FAM83B: variants seen among roughly 807,000 people sequenced by gnomAD.
FAM83B encodes the protein scaffolding CK1 anchoring protein B, also known as protein FAM83B.
FAM83B carries 26 observed loss-of-function variants against 38.8 expected under a neutral mutation model. That is an observed-to-expected ratio of 0.67 (90% CI 0.49 to 0.93). The LOEUF is 0.93. Among genes scored for constraint, FAM83B ranks in the 40% least tolerant of loss-of-function variants. The pLI is 0.00. For synonymous variants in FAM83B, 419 were observed against 423.1 expected, an observed-to-expected ratio of 0.99 and a Z score of 0.12; for missense variants, 1,237 against 1,197.3, an observed-to-expected ratio of 1.03 and a Z score of -0.49.
At chr6:54,880,328 A>G (rs1430416876) in intron 2 of FAM83B, among the ~76,000 whole-genome samples, 1 of 152,218 alleles carries the variant, frequency 6.6e-6, no homozygotes, top group Non-Finnish European at 1.5e-5. Flanking sequence ...AGGATTATAG[A>G]GACAATTATT....
intron 4 of FAM83B, among the ~76,000 whole-genome samples, chr6:54,932,311 C>G (rs935087255): frequency 1.3e-5 from 2 of 152,116 alleles, no homozygotes; most frequent in African/African-American, 4.8e-5. Context: ...CATGCATGGC[C>G]TTACATAAAA....
At chr6:54,869,596 C>T (rs1057453495) in intron 1 of FAM83B, among the ~76,000 whole-genome samples, 2 of 152,078 alleles carry the variant, frequency 1.3e-5, no homozygotes, top group Non-Finnish European at 2.9e-5. Context: ...CTTCTTGCCA[C>T]CTGATCAGAT....
At chr6:54,906,939 G>T in intron 2 of FAM83B, among the ~76,000 whole-genome samples, 1 of 151,942 alleles carries the variant, frequency 6.6e-6, no homozygotes, top group Admixed American at 6.6e-5. Flanking sequence ...GAACCCTTTT[G>T]GTTAGACATT....
intron 2 of FAM83B, among the ~76,000 whole-genome samples, chr6:54,916,782 G>A (rs1257835189): frequency 2.6e-5 from 4 of 152,132 alleles, no homozygotes; most frequent in Non-Finnish European, 5.9e-5. Context: ...GGCAGTATTT[G>A]TCTCTTTGAC....
rs753733022 is a variant in FAM83B, at chr6:54,870,285, G to A, written c.39G>A (p.Glu13=). 1 of 1,613,938 alleles carries A rather than the reference G, an allele frequency of 6.2e-7. No homozygotes were observed. Among genetic ancestry groups the A allele is most frequent in the Non-Finnish European group, 8.5e-7 (1 of 1,179,890 alleles). The part of the protein sequence containing the change: ...TSSMLSSLND[E]CKSDNYIEPH... ...CAATGCTTTCCTCATTGAATGATGA[G>A]TGTAAATCTGACAACTACATTGAGC... is the stretch of plus-strand genomic sequence containing the variant. The change falls in exon 2 of 5, where the codon GAG becomes GAA. Residue 13 remains glutamate (E), a synonymous_variant. Transcript: ENST00000306858.
chr6:54,870,749 T>C, intron 2 of FAM83B, 59 bp downstream of exon 2: 2 of 1,418,712 alleles, frequency 1.4e-6, no homozygotes, highest in South Asian at 1.4e-5. Context: ...GTAGAGAGAG[T>C]AATAACACAA....
At chr6:54,938,167 AG>A in intron 4 of FAM83B, among the ~76,000 whole-genome samples, 1 of 152,258 alleles carries the variant, frequency 6.6e-6, no homozygotes, top group East Asian at 1.9e-4. Flanking sequence ...AATGGTCTCC[AG>A]TTCCATCCAG....
At chr6:54,898,999 A>G (rs1475689573) in intron 2 of FAM83B, among the ~76,000 whole-genome samples, 2 of 152,136 alleles carry the variant, frequency 1.3e-5, no homozygotes, top group Non-Finnish European at 2.9e-5. Flanking sequence ...TTTCTGTAGC[A>G]CTTAATCAGG....
At chr6:54,917,553 G>A (rs992192131) in intron 2 of FAM83B, among the ~76,000 whole-genome samples, 2 of 151,972 alleles carry the variant, frequency 1.3e-5, no homozygotes, top group Non-Finnish European at 1.5e-5. Flanking sequence ...AAAAAAATAT[G>A]ACCTACCTTT....
At chr6:54,855,857 G>T (rs1771434885) in intron 1 of FAM83B, among the ~76,000 whole-genome samples, 1 of 152,180 alleles carries the variant, frequency 6.6e-6, no homozygotes. Flanking sequence ...TTGAGTTAAA[G>T]AAATGAATCA....
intron 2 of FAM83B, among the ~76,000 whole-genome samples, chr6:54,873,026 T>G (rs1771897305): frequency 6.6e-6 from 1 of 151,556 alleles, no homozygotes; most frequent in Non-Finnish European, 1.5e-5. Context: ...TTTATTTTTT[T>G]TATTTTTTGT....
chr6:54,927,472 CCATAATGT>C (rs1773320753), intron 3 of FAM83B, 28 bp from the exon 4 acceptor site: 1 of 1,481,986 alleles, frequency 6.7e-7, no homozygotes, highest in African/African-American at 1.4e-5. Flanking sequence ...CTTTTCCTAG[CCATAATGT>C]CTGCTTTTTA....
At chr6:54,902,464 A>T (rs903664729) in intron 2 of FAM83B, among the ~76,000 whole-genome samples, 1 of 152,268 alleles carries the variant, frequency 6.6e-6, no homozygotes, top group East Asian at 1.9e-4. Context: ...GGGTTATGTT[A>T]TTAGGAATTG....
At chr6:54,935,858 A>T (rs1349727197) in intron 4 of FAM83B, among the ~76,000 whole-genome samples, 1 of 152,122 alleles carries the variant, frequency 6.6e-6, no homozygotes, top group Admixed American at 6.6e-5. Flanking sequence ...TTCAAAGATG[A>T]CTGCTTGTTT....
intron 2 of FAM83B, among the ~76,000 whole-genome samples, chr6:54,887,376 A>G (rs1010241185): frequency 1.3e-5 from 2 of 152,236 alleles, no homozygotes; most frequent in African/African-American, 4.8e-5. Context: ...TTGAGAAAGC[A>G]CAGTTTGGAA....
At chr6:54,914,750 C>A (rs1021692494) in intron 2 of FAM83B, among the ~76,000 whole-genome samples, 4 of 152,108 alleles carry the variant, frequency 2.6e-5, no homozygotes, top group Admixed American at 2.6e-4. Flanking sequence ...AGCAGCTATT[C>A]TGATCTTTTT....
intron 2 of FAM83B, among the ~76,000 whole-genome samples, chr6:54,872,009 G>A (rs1473868324): frequency 6.6e-6 from 1 of 152,030 alleles, no homozygotes; most frequent in Non-Finnish European, 1.5e-5. Flanking sequence ...CAACTAAAAG[G>A]CTAACAATAA....
At chr6:54,880,635 G>C (rs1198951907) in intron 2 of FAM83B, among the ~76,000 whole-genome samples, 1 of 151,850 alleles carries the variant, frequency 6.6e-6, no homozygotes, top group East Asian at 1.9e-4. Flanking sequence ...AATAGAGACA[G>C]GGTTTCACCA....
At chr6:54,869,342 T>A (rs1020472862) in intron 1 of FAM83B, among the ~76,000 whole-genome samples, 1 of 152,210 alleles carries the variant, frequency 6.6e-6, no homozygotes, top group African/African-American at 2.4e-5. Flanking sequence ...CCCCTGCTAC[T>A]GCCAGAATTG....
Sources: allele counts gnomAD v4.1 joint callset (sites outside exome capture counted in the v4.1 genomes callset), GRCh38; gene constraint gnomAD v4.1.1; transcripts MANE v1.5; gene names NCBI Gene and HGNC (gene_info 2026-07-23, HGNC 2026-07-21).